PKP4: variants seen among roughly 807,000 people sequenced by gnomAD.
PKP4 encodes plakophilin-4.
A neutral mutation model predicts 145.1 loss-of-function variants in PKP4; 90 were observed. That is an observed-to-expected ratio of 0.62 (90% CI 0.52 to 0.74). The LOEUF is 0.74. PKP4 is among the 30% of genes least tolerant of loss of function. The probability of loss-of-function intolerance (pLI) is 0.00; values close to 1 mark genes in which losing one functional copy is unlikely to be tolerated. For missense variants in PKP4, 1,340 were observed against 1,482.7 expected (o/e 0.90, Z 1.58); for synonymous variants, 563 against 577.2 (o/e 0.98, Z 0.35).
At chr2:158,572,721 A>G (rs1260439670) in intron 2 of PKP4, among the ~76,000 whole-genome samples, 1 of 152,226 alleles carries the variant, frequency 6.6e-6, no homozygotes, top group Non-Finnish European at 1.5e-5. Flanking sequence ...AGATTCAAAA[A>G]CTTAAATGGT....
At chr2:158,501,707 A>G (rs768014062) in intron 1 of PKP4, among the ~76,000 whole-genome samples, 11 of 152,244 alleles carry the variant, frequency 7.2e-5, no homozygotes, top group Non-Finnish European at 1.2e-4. Flanking sequence ...AGGGCACACC[A>G]AATTTCACAG....
intron 11 of PKP4, among the ~76,000 whole-genome samples, chr2:158,652,574 G>A (rs1458237304): frequency 6.6e-6 from 1 of 152,222 alleles, no homozygotes; most frequent in Non-Finnish European, 1.5e-5. Flanking sequence ...GATAATGGAG[G>A]CATGTGCTAG....
At chr2:158,641,702 C>A (rs1238155044) in intron 10 of PKP4, among the ~76,000 whole-genome samples, 1 of 152,134 alleles carries the variant, frequency 6.6e-6, no homozygotes, top group African/African-American at 2.4e-5. Context: ...CAGAAATACT[C>A]AAATAATGTA....
intron 1 of PKP4, among the ~76,000 whole-genome samples, chr2:158,507,284 C>T (rs1267821001): frequency 1.3e-5 from 2 of 152,190 alleles, no homozygotes; most frequent in Non-Finnish European, 2.9e-5. Context: ...CTATGTGACT[C>T]ACCACTGTGA....
intron 3 of PKP4, among the ~76,000 whole-genome samples, chr2:158,599,404 A>G (rs2050042147): frequency 6.6e-6 from 1 of 152,216 alleles, no homozygotes; most frequent in East Asian, 1.9e-4. Flanking sequence ...GAGGTTACAC[A>G]CTAGTGGGAA....
intron 1 of PKP4, among the ~76,000 whole-genome samples, chr2:158,514,809 C>CAT (rs1230437065): frequency 6.6e-6 from 1 of 152,074 alleles, no homozygotes; most frequent in African/African-American, 2.4e-5. Flanking sequence ...GGCGTGGTGT[C>CAT]ATACGTCTGT....
intron 11 of PKP4, among the ~76,000 whole-genome samples, chr2:158,654,012 G>C (rs1266950099): frequency 6.6e-6 from 1 of 152,152 alleles, no homozygotes; most frequent in Non-Finnish European, 1.5e-5. Context: ...TTTACTTTGA[G>C]CAAAAAAGCC....
At chr2:158,521,961 TA>T (rs1480575850) in intron 1 of PKP4, among the ~76,000 whole-genome samples, 6 of 152,228 alleles carry the variant, frequency 3.9e-5, no homozygotes, top group African/African-American at 1.4e-4. Context: ...CTTTAACCTT[TA>T]TTTTTTATTA....
chr2:158,561,260 ATATT>A (rs370519634), intron 2 of PKP4, among the ~76,000 whole-genome samples: 73 of 152,336 alleles, frequency 4.8e-4, no homozygotes, highest in African/African-American at 1.7e-3. Flanking sequence ...AAAGCCTAAA[ATATT>A]TACTGTGTAT....
intron 1 of PKP4, among the ~76,000 whole-genome samples, chr2:158,500,291 C>T (rs1696358156): frequency 1.3e-5 from 2 of 152,340 alleles, no homozygotes; most frequent in South Asian, 4.1e-4. Context: ...ACCCTGATAA[C>T]TGCCGGTAAT....
At chr2:158,498,328 A>G (rs575586976) in intron 1 of PKP4, among the ~76,000 whole-genome samples, 5 of 152,274 alleles carry the variant, frequency 3.3e-5, no homozygotes, top group South Asian at 2.1e-4. Context: ...TCAAATTACA[A>G]TTGTTAGGTG....
chr2:158,489,818 C>A (rs1694685821), intron 1 of PKP4, among the ~76,000 whole-genome samples: 1 of 152,070 alleles, frequency 6.6e-6, no homozygotes. Flanking sequence ...TAATTATGTC[C>A]AGCGAAACTC....
chr2:158,537,081 T>G (rs1342934556), intron 2 of PKP4, among the ~76,000 whole-genome samples: 1 of 152,206 alleles, frequency 6.6e-6, no homozygotes, highest in Admixed American at 6.5e-5. Context: ...TGTCGATTAC[T>G]TTGTCACCAA....
intron 12 of PKP4, chr2:158,658,851 A>T (rs1274690391): frequency 6.6e-6 from 1 of 152,650 alleles, no homozygotes. Flanking sequence ...AACACTCATC[A>T]GCTCCATTTT....
chr2:158,595,680 A>G lies in PKP4; in HGVS notation c.246-7390A>G, dbSNP rs1020532621. On this transcript the variant is annotated intron_variant, in intron 3 of 21. Transcript: ENST00000389759. ...CTGATCATAATTGAAGATTTCATTT[A>G]ATTATAATTAATGACGATATAGAAA... 4.3e-4 allele frequency among the ~76,000 whole-genome samples: 65 copies of G among 152,230 alleles called. 1 individual carries two copies. Among genetic ancestry groups the G allele is most frequent in the Non-Finnish European group, 2.9e-5 (2 of 68,036 alleles).
At chr2:158,526,807 T>G (rs9711366) in intron 1 of PKP4, among the ~76,000 whole-genome samples, 26 of 74,682 alleles carry the variant, frequency 3.5e-4, no homozygotes, top group African/African-American at 1.3e-3. Flanking sequence ...CAAAATCAAT[T>G]TACAAAAATC....
intron 1 of PKP4, among the ~76,000 whole-genome samples, chr2:158,480,930 T>C (rs1326704917): frequency 6.6e-6 from 1 of 152,196 alleles, no homozygotes; most frequent in Non-Finnish European, 1.5e-5. Context: ...TGGATTCGCC[T>C]CTTCTGGACA....
chr2:158,666,943 A>G (rs949504631), intron 16 of PKP4, among the ~76,000 whole-genome samples: 4 of 152,228 alleles, frequency 2.6e-5, no homozygotes, highest in African/African-American at 9.6e-5. Context: ...CATACTCTAA[A>G]TAAAAAATCA....
intron 1 of PKP4, among the ~76,000 whole-genome samples, chr2:158,464,014 T>C (rs990079596): frequency 1.3e-5 from 2 of 152,216 alleles, no homozygotes; most frequent in Non-Finnish European, 2.9e-5. Context: ...TTCTGGGACT[T>C]ACTTGTCTAC....
Sources: gnomAD v4.1 joint callset for allele counts (sites outside exome capture counted in the v4.1 genomes callset) on GRCh38, gnomAD v4.1.1 for gene constraint, MANE v1.5 for transcripts, NCBI Gene and HGNC (gene_info 2026-07-23, HGNC 2026-07-21) for gene names.